The following TXNL1 variants were observed in gnomAD, a reference collection of about 807,000 sequenced individuals.
TXNL1 encodes the protein thioredoxin-like protein 1.
In TXNL1, 14 loss-of-function variants were observed where a neutral mutation model predicts 35.5. The observed-to-expected ratio is 0.39, with a 90% CI of 0.26 to 0.62. The LOEUF is 0.62. TXNL1 is among the 20% of genes least tolerant of loss of function. The pLI is 0.47. For missense variants in TXNL1, 263 were observed against 349.7 expected, an observed-to-expected ratio of 0.75 and a Z score of 1.98; for synonymous variants, 110 against 115.5, an observed-to-expected ratio of 0.95 and a Z score of 0.31.
At position 56,614,361 on chromosome 18, in the gene TXNL1, A is replaced by G. The variant is rs374970319; in HGVS notation, c.735+63T>C. 9.6e-5 allele frequency: 138 copies of G among 1,432,712 alleles called. 1 individual carries two copies. In the African/African-American group the frequency reaches 1.1e-3, roughly 11 times the overall value. The allele number at this position is 1,432,712 out of a possible 1,614,324, so 88.7% of individuals were successfully genotyped here. On this transcript the variant is annotated intron_variant, in intron 6 of 7. Transcript: ENST00000217515. Reference sequence around the variant, plus strand: ...AAAGAATCACTTAGACTTACCTAGGATACTGAAAATAGTATTGTTACTCAC... The same window carrying G: ...AAAGAATCACTTAGACTTACCTAGGGTACTGAAAATAGTATTGTTACTCAC...
In TXNL1 at chr18:56,612,871, TATA is replaced by T. The variant is rs569052262; in HGVS notation, c.735+1550_735+1552del. ...TCTAATACTTAAAACTCAACTTGAT[TATA>T]ATTTTTTTTTTTTTGTCACCCAGAC... On this transcript the variant is annotated intron_variant, in intron 6 of 7. Transcript: ENST00000217515. Among the ~76,000 whole-genome samples, 25 of 152,238 alleles carry T rather than the reference TATA, an allele frequency of 1.6e-4. No individual in the cohort carries two copies. In the East Asian group the frequency reaches 3.5e-3, roughly 21 times the overall value.
chr18:56,618,451 C>A lies in TXNL1; in HGVS notation c.370-325G>T, dbSNP rs542569192. On this transcript the variant is annotated intron_variant, in intron 3 of 7. Transcript: ENST00000217515. ...AAATATCCGTAAGATCCAAAGAAAG[C>A]CTATTTCCCTCTTCTAGTGGTCAAG... Among the ~76,000 whole-genome samples, 7 of 152,228 alleles carry A rather than the reference C, an allele frequency of 4.6e-5. No homozygotes were observed. In the East Asian group the frequency reaches 1.4e-3, roughly 29 times the overall value.
intron 3 of TXNL1, among the ~76,000 whole-genome samples, chr18:56,623,532 CTATA>C: frequency 6.6e-6 from 1 of 151,800 alleles, no homozygotes; most frequent in Non-Finnish European, 1.5e-5. Context: ...AAATTAAAAA[CTATA>C]TATATCTCTT....
chr18:56,631,774 G>A (rs1033547240), intron 1 of TXNL1, among the ~76,000 whole-genome samples: 2 of 152,082 alleles, frequency 1.3e-5, no homozygotes, highest in African/African-American at 4.8e-5. Context: ...TACAAAATTA[G>A]CTGGGCCTAG....
At chr18:56,603,147 AT>A in intron 7 of TXNL1, 91 bp from the exon 8 acceptor site, 1 of 1,168,616 alleles carries the variant, frequency 8.6e-7, no homozygotes, top group South Asian at 1.4e-5. Flanking sequence ...AAACCTTGGT[AT>A]TAATTTTTAT....
rs565771048 is a variant in TXNL1, at chr18:56,638,230, C to T, written c.98+113G>A. ...ATTCCGGCAGCTCCTGGGGCTGCGG[C>T]GACTGCCGGACACTCCGGGGCAGCA... is the stretch of plus-strand genomic sequence containing the variant. On this transcript the variant is annotated intron_variant, in intron 1 of 7. Coordinates refer to ENST00000217515, the MANE Select transcript of TXNL1 (RefSeq NM_004786.3). The T allele has an allele frequency of 6.4e-6, 7 of 1,099,254 alleles. No individual in the cohort carries two copies. In the African/African-American group the frequency reaches 8.1e-5, roughly 13 times the overall value. The allele number at this position is 1,099,254 out of a possible 1,614,324, so 68.1% of individuals were successfully genotyped here.
At position 56,611,109 on chromosome 18, in the gene TXNL1, A is replaced by G; in HGVS notation, c.736-12T>C. 2.6e-6 allele frequency: 4 copies of G among 1,564,968 alleles called. No homozygotes were observed. Among genetic ancestry groups the G allele is most frequent in the Non-Finnish European group, 3.5e-6 (4 of 1,150,046 alleles). The stretch of plus-strand genomic sequence containing the variant: ...GACTGAACAAATATCTACCAAAAAA[A>G]AGTTTGCATTTATAATTACAATCCT... On this transcript the variant is annotated splice_polypyrimidine_tract_variant and intron_variant, in intron 6 of 7. Coordinates refer to ENST00000217515, the MANE Select transcript of TXNL1 (RefSeq NM_004786.3).
At chr18:56,615,213 T>C (rs542126988) in intron 5 of TXNL1, among the ~76,000 whole-genome samples, 2 of 152,272 alleles carry the variant, frequency 1.3e-5, no homozygotes, top group South Asian at 4.1e-4. Flanking sequence ...CCATATTTTG[T>C]GGCTGAAGAA....
At chr18:56,617,087 T>C (rs999116947) in intron 4 of TXNL1, among the ~76,000 whole-genome samples, 3 of 152,140 alleles carry the variant, frequency 2.0e-5, no homozygotes, top group Non-Finnish European at 4.4e-5. Flanking sequence ...AGAAACACAA[T>C]GTGAATGATA....
At chr18:56,626,947 G>A (rs2024294565) in intron 1 of TXNL1, among the ~76,000 whole-genome samples, 1 of 150,930 alleles carries the variant, frequency 6.6e-6, no homozygotes, top group South Asian at 2.1e-4. Flanking sequence ...TGCAACTACA[G>A]GTGCATGCCA....
At position 56,599,207 on chromosome 18, in the gene TXNL1, A is replaced by G. The variant is rs2023778494; in HGVS notation, c.*3820T>C. On this transcript the variant is annotated 3_prime_UTR_variant, in exon 8 of 8. Transcript: ENST00000217515. ...TCCAACTAATAATTTTACATGGACCACAAAGTTTAAAAGCGATCTTATTAG... is the reference window on the plus strand; with the variant it reads ...TCCAACTAATAATTTTACATGGACCGCAAAGTTTAAAAGCGATCTTATTAG... 1 of 152,080 alleles carries G rather than the reference A, an allele frequency of 6.6e-6. No homozygotes were observed. Among genetic ancestry groups the G allele is most frequent in the Non-Finnish European group, 1.5e-5 (1 of 68,020 alleles). The allele number at this position is 152,080 out of a possible 1,614,324, so 9.4% of individuals were successfully genotyped here.
intron 4 of TXNL1, among the ~76,000 whole-genome samples, chr18:56,616,933 A>C (rs1197945616): frequency 6.6e-6 from 1 of 152,210 alleles, no homozygotes; most frequent in Non-Finnish European, 1.5e-5. Flanking sequence ...TCATTTGCTC[A>C]ATCTTCTTTC....
intron 1 of TXNL1, among the ~76,000 whole-genome samples, chr18:56,634,320 C>A (rs987676585): frequency 6.6e-6 from 1 of 152,142 alleles, no homozygotes. Context: ...AGATCAAGAA[C>A]AGCACTTTAT....
intron 6 of TXNL1, among the ~76,000 whole-genome samples, chr18:56,613,484 A>G (rs2144294895): frequency 6.6e-6 from 1 of 152,304 alleles, no homozygotes; most frequent in South Asian, 2.1e-4. Context: ...AATGACATCT[A>G]AAATACATCA....
At chr18:56,606,317 CA>C (rs912175274) in intron 7 of TXNL1, among the ~76,000 whole-genome samples, 31 of 151,966 alleles carry the variant, frequency 2.0e-4, no homozygotes, top group African/African-American at 7.0e-4. Flanking sequence ...GCAGAGCTTG[CA>C]GTGAGCCGAG....
chr18:56,637,170 T>G (rs968063423), intron 1 of TXNL1, among the ~76,000 whole-genome samples: 5 of 152,214 alleles, frequency 3.3e-5, no homozygotes, highest in African/African-American at 1.2e-4. Context: ...TTCATATCTA[T>G]CTGCATCCAT....
intron 1 of TXNL1, among the ~76,000 whole-genome samples, chr18:56,634,035 A>AG (rs1383695108): frequency 6.8e-6 from 1 of 146,534 alleles, no homozygotes. Context: ...AATGGTGGGG[A>AG]GGGGGGAGAC....
In TXNL1 at chr18:56,637,007, T is replaced by C. The variant is rs534139793; in HGVS notation, c.98+1336A>G. On this transcript the variant is annotated intron_variant, in intron 1 of 7. Coordinates refer to ENST00000217515, the MANE Select transcript of TXNL1 (RefSeq NM_004786.3). Reference sequence around the variant, plus strand: ...ATTCTAACATTCCTTTTAGGTGTTTTATATATATGACATCACTTATCCTTT... The same window carrying C: ...ATTCTAACATTCCTTTTAGGTGTTTCATATATATGACATCACTTATCCTTT... 7.9e-5 allele frequency among the ~76,000 whole-genome samples: 12 copies of C among 152,320 alleles called. No individual in the cohort carries two copies. In the East Asian group the frequency reaches 2.3e-3, roughly 29 times the overall value.
chr18:56,626,170 A>C, intron 2 of TXNL1, 191 bp downstream of exon 2: 1 of 1,309,030 alleles, frequency 7.6e-7, no homozygotes, highest in Non-Finnish European at 9.7e-7. Context: ...ACCTGAAGCA[A>C]TTAATAATGT....
Sources: allele counts gnomAD v4.1 joint callset (sites outside exome capture counted in the v4.1 genomes callset), GRCh38; gene constraint gnomAD v4.1.1; transcripts MANE v1.5; gene names NCBI Gene and HGNC (gene_info 2026-07-23, HGNC 2026-07-21).